PBX3: variants seen among roughly 807,000 people sequenced by gnomAD.
The protein encoded by PBX3 is pre-B-cell leukemia transcription factor 3.
PBX3 carries 14 observed loss-of-function variants against 48.5 expected under a neutral mutation model. The observed-to-expected ratio is 0.29, with a 90% CI of 0.19 to 0.45. The LOEUF (loss-of-function observed/expected upper bound fraction) is 0.45. Among genes scored for constraint, PBX3 ranks in the 20% least tolerant of loss-of-function variants. PBX3 has a pLI of 1.00. For synonymous variants in PBX3, 210 were observed against 200.3 expected (o/e 1.05, Z -0.41); for missense variants, 386 against 546.7 (o/e 0.71, Z 2.93).
chr9:125,779,749 C>T (rs1341432198), intron 2 of PBX3, among the ~76,000 whole-genome samples: 127 of 144,270 alleles, frequency 8.8e-4, no homozygotes, highest in Non-Finnish European at 8.1e-4. Context: ...ATTGTCATCC[C>T]GGCCCGTTCT....
intron 2 of PBX3, among the ~76,000 whole-genome samples, chr9:125,869,449 G>A (rs763881348): frequency 9.2e-5 from 14 of 152,022 alleles, no homozygotes; most frequent in Non-Finnish European, 1.5e-4. Flanking sequence ...TGAATGGGAA[G>A]ATAACATCAC....
chr9:125,767,057 T>C (rs1836817954), intron 2 of PBX3, among the ~76,000 whole-genome samples: 1 of 152,260 alleles, frequency 6.6e-6, no homozygotes, highest in Non-Finnish European at 1.5e-5. Context: ...GATGTGTTGC[T>C]GTCGCTCATC....
intron 2 of PBX3, among the ~76,000 whole-genome samples, chr9:125,762,029 G>A (rs1441328033): frequency 6.6e-6 from 1 of 152,182 alleles, no homozygotes; most frequent in Non-Finnish European, 1.5e-5. Flanking sequence ...TATGATTACA[G>A]TATTTTTGCA....
chr9:125,765,786 A>G (rs1037901412), intron 2 of PBX3, among the ~76,000 whole-genome samples: 1 of 152,202 alleles, frequency 6.6e-6, no homozygotes, highest in Non-Finnish European at 1.5e-5. Flanking sequence ...GTGTGCAGTC[A>G]TAAATCTAGA....
intron 2 of PBX3, among the ~76,000 whole-genome samples, chr9:125,818,140 A>T (rs1376483474): frequency 6.6e-6 from 1 of 151,592 alleles, no homozygotes; most frequent in Admixed American, 6.6e-5. Context: ...CGGAGGTTGC[A>T]GTGAGCTGAG....
At chr9:125,928,430 G>GTT (rs1841635116) in intron 3 of PBX3, among the ~76,000 whole-genome samples, 1 of 149,410 alleles carries the variant, frequency 6.7e-6, no homozygotes, top group African/African-American at 2.5e-5. Flanking sequence ...GTGTTTTTGT[G>GTT]TATGTACTGA....
intron 2 of PBX3, among the ~76,000 whole-genome samples, chr9:125,898,213 C>T (rs1840819464): frequency 6.6e-6 from 1 of 151,670 alleles, no homozygotes; most frequent in Non-Finnish European, 1.5e-5. Flanking sequence ...CTACTATTCT[C>T]ACCAGTAAGG....
chr9:125,879,781 TTTTAATACCTTTTATTA>T (rs1469993198), intron 2 of PBX3, among the ~76,000 whole-genome samples: 15 of 152,094 alleles, frequency 9.9e-5, no homozygotes, highest in Middle Eastern at 6.8e-3. Flanking sequence ...TTATTTTTAT[TTTTAATACCTTTTATTA>T]TTTAATACCT....
At chr9:125,906,714 T>C (rs546747738) in intron 2 of PBX3, among the ~76,000 whole-genome samples, 8 of 152,144 alleles carry the variant, frequency 5.3e-5, no homozygotes, top group African/African-American at 1.9e-4. Flanking sequence ...ATTGGTTGTT[T>C]CTGACCAAAA....
At chr9:125,760,046 C>T (rs981182244) in intron 2 of PBX3, among the ~76,000 whole-genome samples, 1 of 152,182 alleles carries the variant, frequency 6.6e-6, no homozygotes. Context: ...CTGCCATTTA[C>T]AAATCTGCTT....
chr9:125,817,441 T>A (rs1184117532), intron 2 of PBX3, among the ~76,000 whole-genome samples: 4 of 152,202 alleles, frequency 2.6e-5, no homozygotes, highest in Non-Finnish European at 5.9e-5. Context: ...GCTTATAGAT[T>A]AATCCACTGG....
Position 125,962,162 on chromosome 9 carries a change from T to A in PBX3, c.1070T>A (p.Leu357Gln). Residue 357 changes from leucine to glutamine, a missense_variant, in exon 7 of 9, where the codon CTG (leucine) becomes CAG (glutamine). By Grantham distance (113) the Leu-to-Gln change is moderately radical. Around this residue, in one of 4 missense-constraint regions of PBX3, gnomAD observed 127 missense variants for 143.3 expected, o/e 0.89. Transcript: ENST00000373489. ...SGDMFMNMQS[L>Q]NGDSYQGSQV... Reference sequence around the variant, plus strand: ...GACATGTTCATGAACATGCAGAGTCTGAATGGGGATTCTTACCAAGGGTCC... The same window carrying A: ...GACATGTTCATGAACATGCAGAGTCAGAATGGGGATTCTTACCAAGGGTCC... The A allele has an allele frequency of 6.2e-7, 1 of 1,613,552 alleles. No homozygotes were observed. The highest frequency in any genetic ancestry group is 8.5e-7 in the Non-Finnish European group (1 of 1,179,484).
chr9:125,861,430 C>T (rs1280520349), intron 2 of PBX3, among the ~76,000 whole-genome samples: 1 of 152,068 alleles, frequency 6.6e-6, no homozygotes. Context: ...GTCAGTTCTT[C>T]CAAAGGCTAA....
At chr9:125,749,508 A>T (rs1836306892) in intron 2 of PBX3, 1 of 151,596 alleles carries the variant, frequency 6.6e-6, no homozygotes, top group Admixed American at 6.6e-5. Flanking sequence ...TATGTGGCAA[A>T]CAAGTACATT....
rs2131970864 is a variant in PBX3, at chr9:125,759,682, GCA to G, written c.274+11060_274+11061del. 6.6e-6 allele frequency among the ~76,000 whole-genome samples: 1 copy of G among 152,312 alleles called. No homozygotes were observed. Among genetic ancestry groups the G allele is most frequent in the Non-Finnish European group, 1.5e-5 (1 of 68,018 alleles). On this transcript the variant is annotated intron_variant, in intron 2 of 8. Transcript: ENST00000373489. The surrounding 1 kb of genome is among the most constrained non-coding windows in gnomAD (Gnocchi z 4.2). ...GTGGCCCTCTCATCCGTAGCTAGGAGCAGTTTGTGGACCGCGTCTGTGAACGC... is the reference window on the plus strand; with the variant it reads ...GTGGCCCTCTCATCCGTAGCTAGGAGGTTTGTGGACCGCGTCTGTGAACGC...
chr9:125,825,423 T>C (rs1282240769), intron 2 of PBX3, among the ~76,000 whole-genome samples: 1 of 152,110 alleles, frequency 6.6e-6, no homozygotes, highest in East Asian at 1.9e-4. Context: ...ATAAGTATCA[T>C]TTTAAAATAA....
intron 2 of PBX3, among the ~76,000 whole-genome samples, chr9:125,793,511 C>T (rs1251529086): frequency 2.0e-5 from 3 of 151,154 alleles, no homozygotes; most frequent in Admixed American, 6.6e-5. Context: ...CTCACTGCAT[C>T]CTTCGCCTCC....
chr9:125,928,203 T>A (rs571530420), intron 3 of PBX3, among the ~76,000 whole-genome samples: 1,914 of 151,102 alleles, frequency 0.013, 10 homozygotes, highest in South Asian at 0.022. Flanking sequence ...CAAAAAAAAA[T>A]AATAATAATA....
At chr9:125,782,186 A>G (rs575597068) in intron 2 of PBX3, among the ~76,000 whole-genome samples, 4 of 152,308 alleles carry the variant, frequency 2.6e-5, no homozygotes, top group Admixed American at 2.6e-4. Context: ...CCTCATAATC[A>G]TGGTGGAAGG....
Sources: gnomAD v4.1 joint callset for allele counts (sites outside exome capture counted in the v4.1 genomes callset) on GRCh38, gnomAD v4.1.1 for gene constraint, gnomAD v4.1.1 regional missense constraint, Gnocchi (gnomAD v3.1) non-coding constraint, MANE v1.5 for transcripts, NCBI Gene and HGNC (gene_info 2026-07-23, HGNC 2026-07-21) for gene names.